Variants in ETV6 observed in about 807,000 individuals in gnomAD.
ETV6 encodes transcription factor ETV6.
ETV6 carries 16 observed loss-of-function variants against 51.1 expected under a neutral mutation model. The observed-to-expected ratio is 0.31, with a 90% CI of 0.21 to 0.48. The LOEUF is 0.48. ETV6 is among the 20% of genes least tolerant of loss of function. The pLI is 0.99. For synonymous variants in ETV6, 240 were observed against 224.1 expected (o/e 1.07, Z -0.64); for missense variants, 458 against 594.8 (o/e 0.77, Z 2.39).
chr12:11,690,299 CTGCTT>C (rs1170528585), intron 1 of ETV6, among the ~76,000 whole-genome samples: 2 of 151,988 alleles, frequency 1.3e-5, no homozygotes, highest in Non-Finnish European at 2.9e-5. Flanking sequence ...AGACACCTGT[CTGCTT>C]TGTATCGATT....
chr12:11,806,162 T>TG (rs1213786432), intron 2 of ETV6, among the ~76,000 whole-genome samples: 3 of 152,244 alleles, frequency 2.0e-5, no homozygotes, highest in Non-Finnish European at 4.4e-5. Context: ...CTATTGCTCT[T>TG]GCGTCTGTCA....
chr12:11,849,950 C>T (rs912484468), intron 3 of ETV6, among the ~76,000 whole-genome samples: 5 of 152,180 alleles, frequency 3.3e-5, no homozygotes, highest in African/African-American at 4.8e-5. Context: ...CTGAGCCAGC[C>T]GCATTCCCTG....
At chr12:11,733,407 C>CAAAAA (rs11394100) in intron 1 of ETV6, among the ~76,000 whole-genome samples, 5 of 101,064 alleles carry the variant, frequency 4.9e-5, no homozygotes, top group South Asian at 3.2e-4. Flanking sequence ...GACTCCATCT[C>CAAAAA]AAAAAAAAAA....
At chr12:11,676,301 G>T (rs528198515) in intron 1 of ETV6, among the ~76,000 whole-genome samples, 1 of 152,284 alleles carries the variant, frequency 6.6e-6, no homozygotes, top group Non-Finnish European at 1.5e-5. Flanking sequence ...CCCGATCCTG[G>T]ATCATCCACT....
intron 2 of ETV6, among the ~76,000 whole-genome samples, chr12:11,827,439 G>A (rs1021132815): frequency 6.6e-6 from 1 of 152,120 alleles, no homozygotes; most frequent in African/African-American, 2.4e-5. Context: ...ATGCTTTGGA[G>A]GTGCTGTAGG....
intron 2 of ETV6, among the ~76,000 whole-genome samples, chr12:11,818,397 G>A (rs118080627): frequency 0.067 from 10,122 of 152,126 alleles, 398 homozygotes; most frequent in Admixed American, 0.094. Flanking sequence ...GCGTGGTGAT[G>A]CATGCGTGTA....
chr12:11,779,097 C>T (rs1011883936), intron 2 of ETV6, among the ~76,000 whole-genome samples: 5 of 152,208 alleles, frequency 3.3e-5, no homozygotes, highest in Admixed American at 1.3e-4. Context: ...TAGATTTGGG[C>T]TTCGACCAAA....
At chr12:11,817,509 T>C (rs971199779) in intron 2 of ETV6, among the ~76,000 whole-genome samples, 5 of 152,250 alleles carry the variant, frequency 3.3e-5, no homozygotes, top group African/African-American at 1.2e-4. Flanking sequence ...AAATGTCTTA[T>C]GCTCTGAACT....
intron 2 of ETV6, among the ~76,000 whole-genome samples, chr12:11,805,791 T>C (rs186703397): frequency 3.5e-4 from 53 of 152,338 alleles, no homozygotes; most frequent in Admixed American, 1.8e-3. Context: ...GTTAAGGATT[T>C]TGATCTTTAT....
chr12:11,675,517 C>G (rs1350188070), intron 1 of ETV6, among the ~76,000 whole-genome samples: 1 of 151,912 alleles, frequency 6.6e-6, no homozygotes, highest in African/African-American at 2.4e-5. Flanking sequence ...TTTTTTTCCT[C>G]TAAAAGAAAT....
chr12:11,725,692 T>C (rs536622598), intron 1 of ETV6, among the ~76,000 whole-genome samples: 3 of 152,280 alleles, frequency 2.0e-5, no homozygotes, highest in Admixed American at 6.5e-5. Context: ...CTTGAGTAGA[T>C]TGCTGCCCTC....
In ETV6 at chr12:11,869,730, G is replaced by C. The variant is rs1946850343; in HGVS notation, c.770G>C (p.Ser257Thr). Reference protein sequence around the residue: ...ASSESHPKPSSPRQESTRVIQ... With the variant: ...ASSESHPKPSTPRQESTRVIQ... ...TCCGAGTCCCACCCGAAGCCATCCA[G>C]CCCCCGGCAGGAGAGCACACGCGTG... The change falls in exon 5 of 8, where the codon AGC (serine) becomes ACC (threonine). Residue 257 changes from serine (S) to threonine (T), a missense_variant. Around this residue, in one of 4 missense-constraint regions of ETV6, gnomAD observed 293 missense variants for 315.7 expected, o/e 0.93. Transcript: ENST00000396373. The surrounding 1 kb of genome is among the most constrained non-coding windows in gnomAD (Gnocchi z 5.0). The C allele has an allele frequency of 6.2e-7, 1 of 1,613,710 alleles. No individual in the cohort carries two copies. The highest frequency in any genetic ancestry group is 1.3e-5 in the African/African-American group (1 of 74,894).
chr12:11,703,544 C>CA (rs977285452), intron 1 of ETV6, among the ~76,000 whole-genome samples: 2 of 152,096 alleles, frequency 1.3e-5, no homozygotes, highest in African/African-American at 4.8e-5. Context: ...ATAACACATA[C>CA]TCTGCCCTTA....
chr12:11,787,009 C>G (rs989325041), intron 2 of ETV6, among the ~76,000 whole-genome samples: 5 of 152,168 alleles, frequency 3.3e-5, no homozygotes, highest in Non-Finnish European at 7.3e-5. Flanking sequence ...AAGGTGTTAT[C>G]TAGTCCAATT....
intron 4 of ETV6, among the ~76,000 whole-genome samples, chr12:11,865,349 G>T: frequency 6.6e-6 from 1 of 151,486 alleles, no homozygotes; most frequent in East Asian, 1.9e-4. Context: ...GTAGTTCCTC[G>T]GTATCATCAA....
rs1312929380 is a variant in ETV6 at position 11,752,635 on chromosome 12, C to G, written c.163+56C>G. 3 of 1,560,126 alleles carry G rather than the reference C, an allele frequency of 1.9e-6. No homozygotes were observed. The African/African-American group carries it at 4.1e-5, about 21-fold the overall frequency. On this transcript the variant is annotated intron_variant, in intron 2 of 7. Coordinates refer to ENST00000396373, the MANE Select transcript of ETV6 (RefSeq NM_001987.5). ...GATTGATGGCGTGGGGCGGGGGTGG[C>G]AGGCAGTGGGCTCCAGGCCAGAGAG...
At position 11,702,039 on chromosome 12, in the gene ETV6, T is replaced by G. The variant is rs147135453; in HGVS notation, c.34-50411T>G. Among the ~76,000 whole-genome samples the G allele has an allele frequency of 1.6e-3, 240 of 152,260 alleles. 4 individuals are homozygous for G. The highest frequency in any genetic ancestry group is 5.5e-3 in the African/African-American group (227 of 41,556). ...ATGAATGCCATGCTAAGGATTGGGG[T>G]ACAGGTAACTTGGAGGCCTCATGCA... On this transcript the variant is annotated intron_variant, in intron 1 of 7. Transcript: ENST00000396373.
intron 3 of ETV6, among the ~76,000 whole-genome samples, chr12:11,848,141 G>A (rs1471966818): frequency 6.6e-6 from 1 of 152,186 alleles, no homozygotes; most frequent in East Asian, 1.9e-4. Context: ...TCCATTGAGC[G>A]TTTATGATGG....
At chr12:11,777,920 C>T (rs1945354965) in intron 2 of ETV6, among the ~76,000 whole-genome samples, 1 of 152,200 alleles carries the variant, frequency 6.6e-6, no homozygotes, top group African/African-American at 2.4e-5. Context: ...CCAGTTTATC[C>T]TCACCACTGA....
Sources: allele counts gnomAD v4.1 joint callset (sites outside exome capture counted in the v4.1 genomes callset), GRCh38; gene constraint gnomAD v4.1.1; regional missense constraint gnomAD v4.1.1; non-coding constraint Gnocchi (gnomAD v3.1); transcripts MANE v1.5; gene names NCBI Gene and HGNC (gene_info 2026-07-23, HGNC 2026-07-21).